Variants in GTPBP10 observed in about 807,000 individuals in gnomAD.
GTPBP10 encodes GTP-binding protein 10.
Under a neutral mutation model 44.8 loss-of-function variants are expected in GTPBP10, and 38 were observed. That is an observed-to-expected ratio of 0.85 (90% CI 0.65 to 1.11). The LOEUF (loss-of-function observed/expected upper bound fraction) is 1.11. Ranked by LOEUF, GTPBP10 falls within the 50% of genes most tolerant of loss-of-function variation. GTPBP10 has a pLI of 0.00. For synonymous variants in GTPBP10, 152 were observed against 150.6 expected (o/e 1.01, Z -0.07); for missense variants, 462 against 453.7 (o/e 1.02, Z -0.17).
intron 6 of GTPBP10, among the ~76,000 whole-genome samples, 187 bp downstream of exon 6, chr7:90,374,541 C>G (rs1345361136): frequency 1.3e-5 from 2 of 152,150 alleles, no homozygotes; most frequent in East Asian, 3.8e-4. Flanking sequence ...TTAATTTCTT[C>G]TTCCAAAGAT....
At chr7:90,366,583 G>A (rs1796138325) in intron 4 of GTPBP10, among the ~76,000 whole-genome samples, 1 of 151,916 alleles carries the variant, frequency 6.6e-6, no homozygotes, top group African/African-American at 2.4e-5. Context: ...TTATAGTATT[G>A]TCTGATGGTA....
At position 90,386,901 on chromosome 7, in the gene GTPBP10, C is replaced by A. The variant is rs1796534128; in HGVS notation, c.*1747C>A. 6.6e-6 allele frequency: 1 copy of A among 152,004 alleles called. No homozygotes were observed. The highest frequency in any genetic ancestry group is 1.5e-5 in the Non-Finnish European group (1 of 68,014). 9.4% of individuals were successfully genotyped at this position (152,004 alleles called of 1,614,324 possible). Reference sequence around the variant, plus strand: ...TAAAAGCTCCCTTTCTGCATTAGGCCCCTCAGTTCTTCCCAGGGAAAATGA... The same window carrying A: ...TAAAAGCTCCCTTTCTGCATTAGGCACCTCAGTTCTTCCCAGGGAAAATGA... On this transcript the variant is annotated 3_prime_UTR_variant, in exon 10 of 10. Transcript: ENST00000222511.
intron 2 of GTPBP10, 42 bp downstream of exon 2, chr7:90,353,051 C>A: frequency 2.2e-6 from 3 of 1,356,200 alleles, no homozygotes; most frequent in Non-Finnish European, 3.0e-6. Context: ...AAAATCAAAC[C>A]CTTCTGGAAA....
chr7:90,352,986 G>A lies in GTPBP10; in HGVS notation c.204G>A (p.Val68=), dbSNP rs1584627566. 6.2e-7 allele frequency: 1 copy of A among 1,606,108 alleles called. No homozygotes were observed. Among genetic ancestry groups the A allele is most frequent in the Non-Finnish European group, 8.5e-7 (1 of 1,175,384 alleles). The change falls in exon 2 of 10, where the codon GTG becomes GTA. Residue 68 remains valine (V), a synonymous_variant. Coordinates refer to ENST00000222511, the MANE Select transcript of GTPBP10 (RefSeq NM_033107.4). ...LKDRYPRKRF[V]AGVGANSKIS... The stretch of plus-strand genomic sequence containing the variant: ...ACAGGTATCCTCGGAAACGGTTTGT[G>A]GCTGGAGTAGGAGCAAACAGCAAGT...
intron 4 of GTPBP10, among the ~76,000 whole-genome samples, chr7:90,362,581 G>C (rs190066122): frequency 6.6e-6 from 1 of 152,168 alleles, no homozygotes; most frequent in African/African-American, 2.4e-5. Context: ...ATTAAGTGCG[G>C]TGTGGTGCTG....
At chr7:90,352,648 G>A (rs1362367080) in intron 1 of GTPBP10, among the ~76,000 whole-genome samples, 168 bp from the exon 2 acceptor site, 1 of 152,128 alleles carries the variant, frequency 6.6e-6, no homozygotes, top group African/African-American at 2.4e-5. Flanking sequence ...TGGGAAAGGG[G>A]GTCAGATCGG....
At chr7:90,353,219 C>T in intron 2 of GTPBP10, 2 of 409,258 alleles carry the variant, frequency 4.9e-6, no homozygotes, top group Non-Finnish European at 8.7e-6. Context: ...GTTTCTTTTC[C>T]CAATGTCTAT....
intron 4 of GTPBP10, among the ~76,000 whole-genome samples, chr7:90,362,618 G>T (rs564776463): frequency 1.2e-4 from 19 of 152,270 alleles, no homozygotes; most frequent in African/African-American, 2.9e-4. Flanking sequence ...TGTTGATTTG[G>T]GGTGGAGAGT....
intron 4 of GTPBP10, among the ~76,000 whole-genome samples, chr7:90,357,414 A>G (rs2115638243): frequency 6.6e-6 from 1 of 152,312 alleles, no homozygotes; most frequent in East Asian, 1.9e-4. Context: ...AGGGTATGAA[A>G]AAACTATATG....
At chr7:90,378,395 T>G in intron 8 of GTPBP10, 184 bp downstream of exon 8, 6 of 344,288 alleles carry the variant, frequency 1.7e-5, no homozygotes, top group Non-Finnish European at 2.5e-5. Context: ...ACTACTGCAG[T>G]GGATAAAACA....
intron 4 of GTPBP10, among the ~76,000 whole-genome samples, chr7:90,367,987 ATC>A (rs1166433856): frequency 6.6e-6 from 1 of 152,120 alleles, no homozygotes; most frequent in Non-Finnish European, 1.5e-5. Flanking sequence ...TGTTGACAAA[ATC>A]TCTCAGCATT....
Position 90,388,370 on chromosome 7 carries a change from G to A in GTPBP10, c.*3216G>A, listed in dbSNP as rs2115806289. The A allele has an allele frequency of 6.6e-6, 1 of 152,132 alleles. No homozygotes were observed. Among genetic ancestry groups the A allele is most frequent in the South Asian group, 2.1e-4 (1 of 4,818 alleles). The allele number at this position is 152,132 out of a possible 1,614,324, so 9.4% of individuals were successfully genotyped here. On this transcript the variant is annotated 3_prime_UTR_variant, in exon 10 of 10. Coordinates refer to ENST00000222511, the MANE Select transcript of GTPBP10 (RefSeq NM_033107.4). ...CTTATTATGTTACTGAATAACCAGA[G>A]TATTAAATTCAATGTACAGCAAATT... is the stretch of plus-strand genomic sequence containing the variant.
intron 4 of GTPBP10, among the ~76,000 whole-genome samples, chr7:90,358,622 A>AT (rs1795951444): frequency 6.6e-6 from 1 of 152,170 alleles, no homozygotes; most frequent in African/African-American, 2.4e-5. Flanking sequence ...ATTAAGATAG[A>AT]TTAAAGATTT....
At chr7:90,351,587 T>G (rs1445052590) in intron 1 of GTPBP10, among the ~76,000 whole-genome samples, 1 of 152,198 alleles carries the variant, frequency 6.6e-6, no homozygotes, top group East Asian at 1.9e-4. Flanking sequence ...CTCAAAAAAT[T>G]TTTCTAATAT....
chr7:90,354,924 G>A (rs1488356241), intron 3 of GTPBP10, among the ~76,000 whole-genome samples, 162 bp from the exon 4 acceptor site: 5 of 151,936 alleles, frequency 3.3e-5, no homozygotes, highest in Admixed American at 3.3e-4. Flanking sequence ...GAATTTCCTG[G>A]CATGTATTTT....
rs1374044573 is a variant in GTPBP10, at chr7:90,365,792, C to T, written c.465-6363C>T. Among the ~76,000 whole-genome samples the T allele has an allele frequency of 2.0e-5, 3 of 152,234 alleles. No individual in the cohort carries two copies. In the South Asian group the frequency reaches 6.2e-4, roughly 32 times the overall value. Reference sequence around the variant, plus strand: ...GCCTGACGGCCCTGGCCAAAACTTCCAACACTGTGTTGAATAGGAGTGGTA... The same window carrying T: ...GCCTGACGGCCCTGGCCAAAACTTCTAACACTGTGTTGAATAGGAGTGGTA... On this transcript the variant is annotated intron_variant, in intron 4 of 9. Coordinates refer to ENST00000222511, the MANE Select transcript of GTPBP10 (RefSeq NM_033107.4).
chr7:90,355,167 T>G lies in GTPBP10; in HGVS notation c.401T>G (p.Leu134Trp). 6.2e-7 allele frequency: 1 copy of G among 1,608,042 alleles called. No individual in the cohort carries two copies. Among genetic ancestry groups the G allele is most frequent in the East Asian group, 2.2e-5 (1 of 44,540 alleles). The change falls in exon 4 of 10, where the codon TTG becomes TGG. Residue 134 changes from leucine (L) to tryptophan (W), a missense_variant. Transcript: ENST00000222511. ...GGKLLTNFLP[L>W]KGQKRIIHLD... Reference sequence around the variant, plus strand: ...AAATTACTTACAAATTTCTTACCATTGAAAGGCCAGAAACGAATAATTCAC... The same window carrying G: ...AAATTACTTACAAATTTCTTACCATGGAAAGGCCAGAAACGAATAATTCAC...
chr7:90,366,914 G>A (rs1796145926), intron 4 of GTPBP10, among the ~76,000 whole-genome samples: 1 of 152,010 alleles, frequency 6.6e-6, no homozygotes, highest in African/African-American at 2.4e-5. Flanking sequence ...GCTTTCTCTT[G>A]TGGGCATTTA....
At chr7:90,369,057 T>C (rs140433535) in intron 4 of GTPBP10, among the ~76,000 whole-genome samples, 178 of 152,356 alleles carry the variant, frequency 1.2e-3, no homozygotes, top group Non-Finnish European at 1.9e-3. Context: ...GCTTCTTCGC[T>C]GCAGGTCTTT....
Sources: allele counts gnomAD v4.1 joint callset (sites outside exome capture counted in the v4.1 genomes callset), GRCh38; gene constraint gnomAD v4.1.1; transcripts MANE v1.5; gene names NCBI Gene and HGNC (gene_info 2026-07-23, HGNC 2026-07-21).